Variants in CEP112 observed in about 807,000 individuals in gnomAD.
The protein encoded by CEP112 is centrosomal protein of 112 kDa.
Under a neutral mutation model 153.0 loss-of-function variants are expected in CEP112, and 127 were observed. The observed-to-expected ratio is 0.83, with a 90% CI of 0.72 to 0.96. The LOEUF is 0.96. Among genes scored for constraint, CEP112 ranks in the 40% least tolerant of loss-of-function variants. The pLI is 0.00. For synonymous variants in CEP112, 358 were observed against 374.4 expected (o/e 0.96, Z 0.51); for missense variants, 1,089 against 1,101.2 (o/e 0.99, Z 0.16).
intron 16 of CEP112, among the ~76,000 whole-genome samples, chr17:66,017,211 T>C (rs2064810018): frequency 6.6e-6 from 1 of 152,236 alleles, no homozygotes; most frequent in Non-Finnish European, 1.5e-5. Context: ...CAATTTTGTC[T>C]TTTTGTAACT....
chr17:65,785,921 A>G (rs577200006), intron 21 of CEP112, among the ~76,000 whole-genome samples: 5 of 152,142 alleles, frequency 3.3e-5, no homozygotes, highest in African/African-American at 7.2e-5. Flanking sequence ...TTGAATTTCC[A>G]TATAAATTTC....
Position 66,027,501 on chromosome 17 carries a change from C to T in CEP112, c.1656G>A (p.Lys552=). The T allele has an allele frequency of 7.4e-7, 1 of 1,342,558 alleles. No homozygotes were observed. Among genetic ancestry groups the T allele is most frequent in the South Asian group, 1.4e-5 (1 of 72,598 alleles). The allele number at this position is 1,342,558 out of a possible 1,614,324, so 83.2% of individuals were successfully genotyped here. ...TTATAGCTTCCATAAAACATATTAC[C>T]TTTTTTTCATAGATGTGTTTTAAAT... ...KSHLKHIYEK[K]AHDLQSELDK... The change falls in exon 16 of 27, where the codon AAG becomes AAA. Residue 552 remains lysine (K), a splice_region_variant and synonymous_variant. Transcript: ENST00000535342.
chr17:66,157,435 T>C (rs552183449), intron 4 of CEP112, among the ~76,000 whole-genome samples: 2 of 152,188 alleles, frequency 1.3e-5, no homozygotes, highest in African/African-American at 4.8e-5. Flanking sequence ...TACCAAATTA[T>C]AAAAACCATC....
intron 22 of CEP112, among the ~76,000 whole-genome samples, chr17:65,744,718 C>T (rs1237385249): frequency 6.6e-6 from 1 of 152,196 alleles, no homozygotes; most frequent in Non-Finnish European, 1.5e-5. Context: ...AGACAGCGTT[C>T]TTCTAACTTC....
At chr17:66,030,954 C>T (rs75646754) in intron 12 of CEP112, among the ~76,000 whole-genome samples, 7,746 of 152,172 alleles carry the variant, frequency 0.051, 286 homozygotes, top group Non-Finnish European at 0.073. Flanking sequence ...TCATCTCATC[C>T]TTTCTTCATT....
At chr17:66,164,115 A>G (rs963194108) in intron 4 of CEP112, among the ~76,000 whole-genome samples, 1 of 152,254 alleles carries the variant, frequency 6.6e-6, no homozygotes, top group Non-Finnish European at 1.5e-5. Flanking sequence ...ATTAATGAGT[A>G]GCTAAGAGGT....
At chr17:65,674,115 C>T (rs918545169) in intron 24 of CEP112, among the ~76,000 whole-genome samples, 6 of 152,206 alleles carry the variant, frequency 3.9e-5, no homozygotes, top group Non-Finnish European at 7.3e-5. Flanking sequence ...AGGCAATCCG[C>T]TCGCCTCAGC....
At chr17:66,006,503 GGCTGAGGCAGGAGAATC>G (rs2064280520) in intron 16 of CEP112, among the ~76,000 whole-genome samples, 2 of 152,194 alleles carry the variant, frequency 1.3e-5, no homozygotes, top group Admixed American at 1.3e-4. Context: ...CTACTCAGGA[GGCTGAGGCAGGAGAATC>G]GCTTGAACCC....
intron 18 of CEP112, 27 bp from the exon 19 acceptor site, chr17:65,927,716 A>AT (rs1568241469): frequency 7.1e-7 from 1 of 1,401,110 alleles, no homozygotes; most frequent in Non-Finnish European, 9.7e-7. Context: ...TCAAATATTA[A>AT]TTTTTTAAAC....
chr17:66,179,840 T>G (rs1302398078), intron 2 of CEP112, among the ~76,000 whole-genome samples: 2 of 152,168 alleles, frequency 1.3e-5, no homozygotes, highest in Non-Finnish European at 2.9e-5. Flanking sequence ...TATATGAATT[T>G]TATTATGTTG....
chr17:66,085,269 G>A (rs371989982), intron 8 of CEP112, among the ~76,000 whole-genome samples: 12 of 152,086 alleles, frequency 7.9e-5, no homozygotes, highest in African/African-American at 2.4e-4. Flanking sequence ...TTATACAACC[G>A]TTAGCACAAT....
At chr17:66,153,133 T>C (rs1265926853) in intron 4 of CEP112, among the ~76,000 whole-genome samples, 1 of 152,130 alleles carries the variant, frequency 6.6e-6, no homozygotes, top group African/African-American at 2.4e-5. Flanking sequence ...GGAAAAGAGT[T>C]TGATGATTTT....
In CEP112 at chr17:65,851,853, A is replaced by ATTTTCATC; in HGVS notation, c.2337_2344dup (p.Ile782ArgfsTer2). On this transcript the variant is annotated stop_gained and frameshift_variant, in exon 21 of 27. Transcript: ENST00000535342. LOFTEE classifies it high-confidence loss of function. ...AGCAGCATGAGTCTTTTTCAGCTCT[A>ATTTTCATC]TTTTCATCTTTTCTGATTCAGCCTT... is the stretch of plus-strand genomic sequence containing the variant. The ATTTTCATC allele has an allele frequency of 6.2e-7, 1 of 1,614,070 alleles. No homozygotes were observed.
In CEP112 at chr17:65,957,442, C is replaced by T. The variant is rs936472207; in HGVS notation, c.1872+4021G>A. 2.0e-5 allele frequency among the ~76,000 whole-genome samples: 3 copies of T among 152,040 alleles called. No homozygotes were observed. The South Asian group carries it at 6.2e-4, about 32-fold the overall frequency. On this transcript the variant is annotated intron_variant, in intron 18 of 26. Transcript: ENST00000535342. Reference sequence around the variant, plus strand: ...ATTGAGTACTCTTGCCTTTAGCATGCAAAAATATATCCCTTTGTCCAGTTT... The same window carrying T: ...ATTGAGTACTCTTGCCTTTAGCATGTAAAAATATATCCCTTTGTCCAGTTT...
intron 12 of CEP112, among the ~76,000 whole-genome samples, chr17:66,038,424 T>G (rs1427061336): frequency 1.3e-5 from 2 of 152,202 alleles, no homozygotes; most frequent in East Asian, 3.9e-4. Context: ...AGTACATAAA[T>G]TTTGAACCTA....
At chr17:66,000,566 T>C (rs2063994291) in intron 17 of CEP112, among the ~76,000 whole-genome samples, 1 of 151,592 alleles carries the variant, frequency 6.6e-6, no homozygotes, top group African/African-American at 2.4e-5. Flanking sequence ...AACACAAACT[T>C]CTCCCGTAGA....
At chr17:66,018,218 T>C (rs2064852804) in intron 16 of CEP112, among the ~76,000 whole-genome samples, 1 of 152,144 alleles carries the variant, frequency 6.6e-6, no homozygotes, top group African/African-American at 2.4e-5. Context: ...TAGTCAAGGA[T>C]ACATAATATA....
At chr17:65,873,951 A>G (rs1415722958) in intron 20 of CEP112, among the ~76,000 whole-genome samples, 1 of 152,216 alleles carries the variant, frequency 6.6e-6, no homozygotes, top group African/African-American at 2.4e-5. Context: ...AGTGTATATA[A>G]TAAAGTAGAT....
At chr17:65,736,281 G>C (rs1426839454) in intron 23 of CEP112, among the ~76,000 whole-genome samples, 1 of 152,088 alleles carries the variant, frequency 6.6e-6, no homozygotes, top group Non-Finnish European at 1.5e-5. Context: ...GGTGGATGAC[G>C]GTGGTACTTT....
Sources: gnomAD v4.1 joint callset for allele counts (sites outside exome capture counted in the v4.1 genomes callset) on GRCh38, gnomAD v4.1.1 for gene constraint, MANE v1.5 for transcripts, NCBI Gene and HGNC (gene_info 2026-07-23, HGNC 2026-07-21) for gene names.